The following ABCA3 variants were observed in gnomAD, a reference collection of about 807,000 sequenced individuals.
The protein encoded by ABCA3 is phospholipid-transporting ATPase ABCA3.
Under a neutral mutation model 172.8 loss-of-function variants are expected in ABCA3, and 88 were observed. The observed-to-expected ratio is 0.51, with a 90% CI of 0.43 to 0.61. The LOEUF (loss-of-function observed/expected upper bound fraction) is 0.61, where lower values mean the gene tolerates loss of function less well. ABCA3 is among the 20% of genes least tolerant of loss of function. ABCA3 has a pLI of 0.00. For missense variants in ABCA3, 2,164 were observed against 2,301.0 expected, an observed-to-expected ratio of 0.94 and a Z score of 1.22; for synonymous variants, 1,066 against 983.8, an observed-to-expected ratio of 1.08 and a Z score of -1.56.
intron 12 of ABCA3, among the ~76,000 whole-genome samples, chr16:2,301,267 T>C (rs1299032025): frequency 6.6e-6 from 1 of 151,346 alleles, no homozygotes; most frequent in African/African-American, 2.4e-5. Flanking sequence ...TCTTAAACTA[T>C]AAAATGCCAT....
In ABCA3 at chr16:2,317,267, C is replaced by T. The variant is rs1043421938; in HGVS notation, c.1111+16G>A. ...GCCCCTTGGCAACCCCACTCTGCCC[C>T]ATGACTGGGGCTCACCTTTGCTGAA... On this transcript the variant is annotated intron_variant, in intron 10 of 32. Transcript: ENST00000301732. 6 of 1,613,738 alleles carry T rather than the reference C, an allele frequency of 3.7e-6. No individual in the cohort carries two copies. The highest frequency in any genetic ancestry group is 4.2e-6 in the Non-Finnish European group (5 of 1,179,922).
chr16:2,315,096 G>T (rs1219870158), intron 10 of ABCA3, among the ~76,000 whole-genome samples: 6 of 150,778 alleles, frequency 4.0e-5, no homozygotes, highest in South Asian at 4.2e-4. Context: ...TGTTGGCCAG[G>T]ATGGTCTCAA....
intron 1 of ABCA3, among the ~76,000 whole-genome samples, chr16:2,331,800 A>G (rs899826503): frequency 2.6e-5 from 4 of 152,160 alleles, no homozygotes; most frequent in Admixed American, 2.6e-4. Context: ...CTCTAAGTTA[A>G]ACACTCAGGA....
intron 18 of ABCA3, 60 bp downstream of exon 18, chr16:2,295,530 T>C (rs2093678369): frequency 4.4e-6 from 7 of 1,601,982 alleles, no homozygotes; most frequent in Non-Finnish European, 5.9e-6. Flanking sequence ...AAAGCCCTCA[T>C]GGCCCATGGG....
intron 17 of ABCA3, among the ~76,000 whole-genome samples, chr16:2,296,516 G>A (rs2093680026): frequency 6.6e-6 from 1 of 152,176 alleles, no homozygotes; most frequent in Non-Finnish European, 1.5e-5. Context: ...ATTATAGGCG[G>A]TGAGCCACCA....
chr16:2,297,975 C>T lies in ABCA3; in HGVS notation c.1897-54G>A. On this transcript the variant is annotated intron_variant, in intron 15 of 32. Coordinates refer to ENST00000301732, the MANE Select transcript of ABCA3 (RefSeq NM_001089.3). The surrounding 1 kb of genome is among the most constrained non-coding windows in gnomAD (Gnocchi z 5.6). ...CAGGGCTCCTGGCGGGAGGCCGACC[C>T]TGGCCAGCGAGGTTCTGGTGAGAGG... 1.9e-6 allele frequency: 3 copies of T among 1,601,300 alleles called. No individual in the cohort carries two copies. In the South Asian group the frequency reaches 3.3e-5, roughly 18 times the overall value.
intron 1 of ABCA3, among the ~76,000 whole-genome samples, chr16:2,337,535 G>A (rs950617123): frequency 1.3e-5 from 2 of 150,540 alleles, no homozygotes; most frequent in Admixed American, 6.6e-5. Context: ...CACCATGCCC[G>A]GCTAATTGTT....
In ABCA3 at chr16:2,300,121, C is replaced by A. The variant is rs2093686667; in HGVS notation, c.1495G>T (p.Ala499Ser). 6.2e-7 allele frequency: 1 copy of A among 1,613,576 alleles called. No homozygotes were observed. The highest frequency in any genetic ancestry group is 8.5e-7 in the Non-Finnish European group (1 of 1,179,934). Residue 499 changes from alanine to serine, a missense_variant, in exon 13 of 33, where the codon GCG becomes TCG. Physicochemically the swap from Ala to Ser is moderately conservative, Grantham distance 99. Transcript: ENST00000301732. Reference protein sequence around the residue: ...MPSYWCGKPRAVAGKEEEDSD... With the variant: ...MPSYWCGKPRSVAGKEEEDSD... ...TCTTCTTCCTCCTTCCCTGCAACCGCCCTTGGCTTCCCACACCAATAGGAG... is the reference window on the plus strand; with the variant it reads ...TCTTCTTCCTCCTTCCCTGCAACCGACCTTGGCTTCCCACACCAATAGGAG...
chr16:2,279,189 G>C lies in ABCA3; in HGVS notation c.4360-59C>G. On this transcript the variant is annotated intron_variant, in intron 28 of 32. Coordinates refer to ENST00000301732, the MANE Select transcript of ABCA3 (RefSeq NM_001089.3). This position sits in a 1 kb window ranked among gnomAD's most constrained non-coding sequence, Gnocchi z 4.4. ...GTTGGAGGGAAGCCTCCTTCCTCCA[G>C]AGGACCACGGGGACTACCCTTGAGG... 1.3e-6 allele frequency: 2 copies of C among 1,586,072 alleles called. No homozygotes were observed. The highest frequency in any genetic ancestry group is 1.7e-6 in the Non-Finnish European group (2 of 1,168,826).
chr16:2,299,613 A>C, intron 13 of ABCA3, 81 bp from the exon 14 acceptor site: 1 of 1,597,304 alleles, frequency 6.3e-7, no homozygotes, highest in Non-Finnish European at 8.5e-7. Context: ...CCCCTGCCCG[A>C]CCGTCTCAGA....
Position 2,317,761 on chromosome 16 carries a change from A to C in ABCA3, c.877T>G (p.Tyr293Asp). Residue 293 changes from tyrosine to aspartate, a missense_variant, in exon 9 of 33, where the codon TAC becomes GAC. Coordinates refer to ENST00000301732, the MANE Select transcript of ABCA3 (RefSeq NM_001089.3). ...VQEKERRLKE[Y>D]MRMMGLSSWL... ...CTGCTGAGCCCCATCATGCGCATGT[A>C]CTCCTGGGGAGAGAAGCCATCACGC... The C allele has an allele frequency of 6.2e-7, 1 of 1,613,910 alleles. No individual in the cohort carries two copies. Among genetic ancestry groups the C allele is most frequent in the Non-Finnish European group, 8.5e-7 (1 of 1,179,896 alleles).
chr16:2,323,442 T>C (rs1290795549), intron 7 of ABCA3, 81 bp downstream of exon 7: 1 of 1,567,002 alleles, frequency 6.4e-7, no homozygotes, highest in Non-Finnish European at 8.8e-7. Context: ...GAAATACTTT[T>C]GCAAAGTGGG....
rs910834281 is a variant in ABCA3 at position 2,310,229 on chromosome 16, C to A, written c.1112-1606G>T. Among the ~76,000 whole-genome samples, 3 of 150,700 alleles carry A rather than the reference C, an allele frequency of 2.0e-5. No homozygotes were observed. In the Admixed American group the frequency reaches 2.0e-4, roughly 10 times the overall value. ...GACCATCATGGCCAACATGGTGAAA[C>A]CCCGTCTCTACTAAAAATACAAAAA... On this transcript the variant is annotated intron_variant, in intron 10 of 32. Transcript: ENST00000301732.
chr16:2,320,515 G>A (rs1200594644), intron 7 of ABCA3, among the ~76,000 whole-genome samples: 4 of 149,964 alleles, frequency 2.7e-5, no homozygotes, highest in African/African-American at 7.4e-5. Flanking sequence ...TCAGCCTCCC[G>A]AATAGCTGGG....
intron 2 of ABCA3, 109 bp from the exon 3 acceptor site, chr16:2,328,866 A>G (rs1457030345): frequency 1.3e-5 from 2 of 158,692 alleles, no homozygotes; most frequent in African/African-American, 4.8e-5. Flanking sequence ...CTCCCCGACA[A>G]TGACCCGGGA....
chr16:2,279,013 C>A lies in ABCA3; in HGVS notation c.4477G>T (p.Ala1493Ser), dbSNP rs200641283. The A allele has an allele frequency of 4.3e-6, 7 of 1,613,548 alleles. No homozygotes were observed. Among genetic ancestry groups the A allele is most frequent in the Non-Finnish European group, 5.9e-6 (7 of 1,180,048 alleles). ...CCCCGCAGAGTGTTCTCCACGCAGGCCCCGATGTGGCGCTCAGGGATGCCC... is the reference window on the plus strand; with the variant it reads ...CCCCGCAGAGTGTTCTCCACGCAGGACCCGATGTGGCGCTCAGGGATGCCC... ...LRGIPERHIG[A>S]CVENTLRGLL... Residue 1493 changes from alanine (A) to serine (S), a missense_variant, in exon 29 of 33, where the codon GCC becomes TCC. By Grantham distance (99) the Ala-to-Ser change is moderately conservative. This residue lies in a region of ABCA3 where 795 missense variants were observed against 881.9 expected (regional missense o/e 0.90). Coordinates refer to ENST00000301732, the MANE Select transcript of ABCA3 (RefSeq NM_001089.3). This position sits in a 1 kb window ranked among gnomAD's most constrained non-coding sequence, Gnocchi z 4.4.
Position 2,278,795 on chromosome 16 carries a change from C to A in ABCA3, c.4547+148G>T. ...GCAGTCCCTTTCCTACGTGGAGCTA[C>A]CTGGGTCACACCACCACATCCCAGC... On this transcript the variant is annotated intron_variant, in intron 29 of 32. Coordinates refer to ENST00000301732, the MANE Select transcript of ABCA3 (RefSeq NM_001089.3). This position sits in a 1 kb window ranked among gnomAD's most constrained non-coding sequence, Gnocchi z 4.4. The A allele has an allele frequency of 8.2e-7, 1 of 1,225,568 alleles. No homozygotes were observed. 75.9% of individuals were successfully genotyped at this position (1,225,568 alleles called of 1,614,324 possible).
At chr16:2,334,899 G>A (rs943372039) in intron 1 of ABCA3, among the ~76,000 whole-genome samples, 3 of 151,054 alleles carry the variant, frequency 2.0e-5, no homozygotes, top group African/African-American at 7.3e-5. Flanking sequence ...CGTGATCTTG[G>A]CTCATGGCTA....
At position 2,286,443 on chromosome 16, in the gene ABCA3, G is replaced by A. The variant is rs1164327643; in HGVS notation, c.3278+251C>T. Among the ~76,000 whole-genome samples, 2 of 152,238 alleles carry A rather than the reference G, an allele frequency of 1.3e-5. No individual in the cohort carries two copies. Among genetic ancestry groups the A allele is most frequent in the African/African-American group, 4.8e-5 (2 of 41,462 alleles). ...AGCCAGGTAGATTTAGGAGGAGAAGGCAGGGCTGCCTGCCGAGCCTTCATG... is the reference window on the plus strand; with the variant it reads ...AGCCAGGTAGATTTAGGAGGAGAAGACAGGGCTGCCTGCCGAGCCTTCATG... On this transcript the variant is annotated intron_variant, in intron 22 of 32. Coordinates refer to ENST00000301732, the MANE Select transcript of ABCA3 (RefSeq NM_001089.3). This position sits in a 1 kb window ranked among gnomAD's most constrained non-coding sequence, Gnocchi z 5.2.
Sources: allele counts gnomAD v4.1 joint callset (sites outside exome capture counted in the v4.1 genomes callset), GRCh38; gene constraint gnomAD v4.1.1; regional missense constraint gnomAD v4.1.1; non-coding constraint Gnocchi (gnomAD v3.1); transcripts MANE v1.5; gene names NCBI Gene and HGNC (gene_info 2026-07-23, HGNC 2026-07-21).